Variants in SEPTIN9 observed in about 807,000 individuals in gnomAD.
SEPTIN9 encodes the protein septin-9.
Under a neutral mutation model 56.6 loss-of-function variants are expected in SEPTIN9, and 13 were observed. The ratio of observed to expected loss-of-function variants is 0.23; its 90% CI spans 0.15 to 0.37. The LOEUF (loss-of-function observed/expected upper bound fraction) is 0.37. Among genes scored for constraint, SEPTIN9 ranks in the 10% least tolerant of loss-of-function variants. The pLI, the probability that SEPTIN9 is intolerant of heterozygous loss-of-function variation, is 1.00. For synonymous variants in SEPTIN9, 332 were observed against 334.1 expected, an observed-to-expected ratio of 0.99 and a Z score of 0.07; for missense variants, 650 against 823.1, an observed-to-expected ratio of 0.79 and a Z score of 2.57.
Position 77,476,779 on chromosome 17 carries a change from G to T in SEPTIN9, c.722-5365G>T, listed in dbSNP as rs2039230613. Reference sequence around the variant, plus strand: ...CTGCCACCCTAGAAACACCCTTGCTGCAAGAAGATGGGGGAGTTTGTCTGG... The same window carrying T: ...CTGCCACCCTAGAAACACCCTTGCTTCAAGAAGATGGGGGAGTTTGTCTGG... On this transcript the variant is annotated intron_variant, in intron 3 of 11. Coordinates refer to ENST00000427177, the MANE Select transcript of SEPTIN9 (RefSeq NM_001113491.2). The surrounding 1 kb of genome is among the most constrained non-coding windows in gnomAD (Gnocchi z 6.0). Among the ~76,000 whole-genome samples the T allele has an allele frequency of 6.6e-6, 1 of 152,238 alleles. No individual in the cohort carries two copies. Among genetic ancestry groups the T allele is most frequent in the Non-Finnish European group, 1.5e-5 (1 of 68,044 alleles).
rs780083393 is a variant in SEPTIN9 at position 77,405,932 on chromosome 17, G to T, written c.721+3229G>T. On this transcript the variant is annotated intron_variant, in intron 3 of 11. Transcript: ENST00000427177. This position sits in a 1 kb window ranked among gnomAD's most constrained non-coding sequence, Gnocchi z 5.8. Reference sequence around the variant, plus strand: ...AATCTCTGCGGCCCCTCTGTCCCCCGAGCACCAGGGATCCAGCTGGCACCA... The same window carrying T: ...AATCTCTGCGGCCCCTCTGTCCCCCTAGCACCAGGGATCCAGCTGGCACCA... 2.6e-5 allele frequency among the ~76,000 whole-genome samples: 4 copies of T among 152,136 alleles called. No homozygotes were observed. The highest frequency in any genetic ancestry group is 5.9e-5 in the Non-Finnish European group (4 of 68,004).
At chr17:77,428,514 G>A (rs555299200) in intron 3 of SEPTIN9, among the ~76,000 whole-genome samples, 85 of 152,348 alleles carry the variant, frequency 5.6e-4, no homozygotes, top group East Asian at 3.9e-4. Context: ...TACCACATTC[G>A]AAATTGAAGC....
intron 2 of SEPTIN9, among the ~76,000 whole-genome samples, chr17:77,398,336 A>G (rs977547719): frequency 6.6e-6 from 1 of 152,198 alleles, no homozygotes; most frequent in Non-Finnish European, 1.5e-5. Context: ...AGTAGAGAAC[A>G]TTCAACTCTG....
At chr17:77,361,446 G>A (rs570185098) in intron 2 of SEPTIN9, among the ~76,000 whole-genome samples, 1 of 152,296 alleles carries the variant, frequency 6.6e-6, no homozygotes, top group Non-Finnish European at 1.5e-5. Context: ...CTGTCATGCT[G>A]TGTTCTGGAT....
At position 77,485,614 on chromosome 17, in the gene SEPTIN9, C is replaced by T. The variant is rs533536554; in HGVS notation, c.914-1810C>T. Among the ~76,000 whole-genome samples, 36 of 152,006 alleles carry T rather than the reference C, an allele frequency of 2.4e-4. No homozygotes were observed. The Middle Eastern group carries it at 0.01, about 43-fold the overall frequency. The stretch of plus-strand genomic sequence containing the variant: ...CTTGCAGTATCCCAGTTGGCATCTC[C>T]TAGATCTAAGGTGTCGTGGCTGGAA... On this transcript the variant is annotated intron_variant, in intron 4 of 11. Transcript: ENST00000427177.
chr17:77,316,296 C>G (rs2032704372), intron 2 of SEPTIN9, among the ~76,000 whole-genome samples: 1 of 152,196 alleles, frequency 6.6e-6, no homozygotes, highest in African/African-American at 2.4e-5. Context: ...CACCTCTGCA[C>G]TCGCCTCCCA....
rs1239518591 is a variant in SEPTIN9, at chr17:77,367,056, C to T, written c.77-35003C>T. Among the ~76,000 whole-genome samples the T allele has an allele frequency of 6.6e-6, 1 of 152,150 alleles. No individual in the cohort carries two copies. Among genetic ancestry groups the T allele is most frequent in the Non-Finnish European group, 1.5e-5 (1 of 68,036 alleles). ...TGGTCATGTGCTTCTTTGAGTGAAA[C>T]CTTATGGTTGCATTGAAGCGGCCAG... is the stretch of plus-strand genomic sequence containing the variant. On this transcript the variant is annotated intron_variant, in intron 2 of 11. Coordinates refer to ENST00000427177, the MANE Select transcript of SEPTIN9 (RefSeq NM_001113491.2). This position sits in a 1 kb window ranked among gnomAD's most constrained non-coding sequence, Gnocchi z 4.5.
intron 2 of SEPTIN9, chr17:77,320,482 C>G (rs945749974): frequency 2.4e-6 from 2 of 826,258 alleles, no homozygotes; most frequent in East Asian, 5.1e-5. Flanking sequence ...TTCTTTTTGA[C>G]GGTTCCAAGC....
chr17:77,430,335 A>G (rs964196423), intron 3 of SEPTIN9, among the ~76,000 whole-genome samples: 12 of 152,060 alleles, frequency 7.9e-5, no homozygotes, highest in African/African-American at 2.4e-4. Context: ...CTCTCCTGTC[A>G]CACCCCCAGC....
At chr17:77,349,639 G>A (rs1292477934) in intron 2 of SEPTIN9, among the ~76,000 whole-genome samples, 1 of 151,912 alleles carries the variant, frequency 6.6e-6, no homozygotes, top group Non-Finnish European at 1.5e-5. Flanking sequence ...CCTACCTCTG[G>A]GCAAAAAAGC....
In SEPTIN9 at chr17:77,455,085, A is replaced by G. The variant is rs572909450; in HGVS notation, c.722-27059A>G. On this transcript the variant is annotated intron_variant, in intron 3 of 11. Coordinates refer to ENST00000427177, the MANE Select transcript of SEPTIN9 (RefSeq NM_001113491.2). ...TCCCTCCCTTTTCCCTATAAATAAC[A>G]CTAAATGCGATTTGTCAATGCATTC... Among the ~76,000 whole-genome samples, 4 of 150,164 alleles carry G rather than the reference A, an allele frequency of 2.7e-5. No homozygotes were observed. The South Asian group carries it at 8.4e-4, about 32-fold the overall frequency.
intron 2 of SEPTIN9, among the ~76,000 whole-genome samples, chr17:77,312,429 G>C (rs1170629596): frequency 1.3e-5 from 2 of 152,074 alleles, no homozygotes; most frequent in South Asian, 2.1e-4. Flanking sequence ...GAGTGCTCGG[G>C]CCCCCCCTGG....
At chr17:77,380,042 G>A (rs1181618186) in intron 2 of SEPTIN9, 1 of 157,060 alleles carries the variant, frequency 6.4e-6, no homozygotes, top group Non-Finnish European at 1.4e-5. Context: ...AGACCCACCA[G>A]TTGGCCCCTA....
chr17:77,458,295 C>A (rs1168512536), intron 3 of SEPTIN9, among the ~76,000 whole-genome samples: 1 of 152,174 alleles, frequency 6.6e-6, no homozygotes, highest in Non-Finnish European at 1.5e-5. Flanking sequence ...CCAGCCAGGG[C>A]GGGGTCCCAA....
intron 11 of SEPTIN9, 31 bp downstream of exon 11, chr17:77,497,397 C>T (rs559002751): frequency 8.8e-5 from 142 of 1,605,636 alleles, no homozygotes; most frequent in Middle Eastern, 3.3e-4. Context: ...GTGGGGCTGA[C>T]GGCTTCACCC....
intron 3 of SEPTIN9, among the ~76,000 whole-genome samples, chr17:77,443,254 C>G (rs1470583728): frequency 6.6e-6 from 1 of 152,050 alleles, no homozygotes; most frequent in South Asian, 2.1e-4. Context: ...CTGGGACACA[C>G]TTGATGTTGG....
chr17:77,285,886 C>T lies in SEPTIN9; in HGVS notation c.19+4332C>T, dbSNP rs147577947. 3.0e-4 allele frequency among the ~76,000 whole-genome samples: 46 copies of T among 152,354 alleles called. No homozygotes were observed. The East Asian group carries it at 7.3e-3, about 24-fold the overall frequency. On this transcript the variant is annotated intron_variant, in intron 1 of 11. Coordinates refer to ENST00000427177, the MANE Select transcript of SEPTIN9 (RefSeq NM_001113491.2). ...TGGACAGGGCTGCACCCTCACCCAG[C>T]GCCCCGGGAGCTGACTTACGGGAAG... is the stretch of plus-strand genomic sequence containing the variant.
intron 3 of SEPTIN9, among the ~76,000 whole-genome samples, chr17:77,413,227 A>C (rs773315049): frequency 6.6e-6 from 1 of 152,058 alleles, no homozygotes; most frequent in Non-Finnish European, 1.5e-5. Context: ...GCAGCAACAT[A>C]ATAATCTCTC....
At chr17:77,342,495 C>A (rs1037999803) in intron 2 of SEPTIN9, among the ~76,000 whole-genome samples, 14 of 152,188 alleles carry the variant, frequency 9.2e-5, no homozygotes, top group Admixed American at 3.3e-4. Flanking sequence ...CCTTGAGTTT[C>A]TCTGTTATCT....
Sources: gnomAD v4.1 joint callset for allele counts (sites outside exome capture counted in the v4.1 genomes callset) on GRCh38, gnomAD v4.1.1 for gene constraint, Gnocchi (gnomAD v3.1) non-coding constraint, MANE v1.5 for transcripts, NCBI Gene and HGNC (gene_info 2026-07-23, HGNC 2026-07-21) for gene names.